ROR1: variants seen among roughly 807,000 people sequenced by gnomAD.
ROR1 encodes inactive tyrosine-protein kinase transmembrane receptor ROR1.
In ROR1, 19 loss-of-function variants were observed where a neutral mutation model predicts 78.8. That is an observed-to-expected ratio of 0.24 (90% CI 0.17 to 0.35). The LOEUF (loss-of-function observed/expected upper bound fraction) is 0.35. Ranked by LOEUF, ROR1 falls within the 10% of genes least tolerant of loss-of-function variation. ROR1 has a pLI of 1.00. For synonymous variants in ROR1, 386 were observed against 433.6 expected, an observed-to-expected ratio of 0.89 and a Z score of 1.36; for missense variants, 917 against 1,177.8, an observed-to-expected ratio of 0.78 and a Z score of 3.24.
At chr1:64,128,849 G>T (rs1648811432) in intron 4 of ROR1, among the ~76,000 whole-genome samples, 1 of 152,168 alleles carries the variant, frequency 6.6e-6, no homozygotes, top group Non-Finnish European at 1.5e-5. Context: ...GCAAGGTGAG[G>T]CAGGAGAAGA....
chr1:63,815,850 G>T (rs549652545), intron 1 of ROR1, among the ~76,000 whole-genome samples: 122 of 152,102 alleles, frequency 8.0e-4, no homozygotes, highest in South Asian at 2.1e-3. Flanking sequence ...GTCCTGGGGT[G>T]GGGGACCTGC....
intron 4 of ROR1, among the ~76,000 whole-genome samples, chr1:64,110,424 G>A (rs1648043733): frequency 6.6e-6 from 1 of 152,062 alleles, no homozygotes; most frequent in African/African-American, 2.4e-5. Context: ...ATATAGAGCT[G>A]GGTTTTGCAT....
At chr1:64,132,226 G>A (rs1447513740) in intron 4 of ROR1, among the ~76,000 whole-genome samples, 1 of 152,074 alleles carries the variant, frequency 6.6e-6, no homozygotes, top group Non-Finnish European at 1.5e-5. Flanking sequence ...ACCTGTTTCA[G>A]TACCTCATTC....
chr1:64,005,590 G>T (rs141179327), intron 1 of ROR1, among the ~76,000 whole-genome samples: 1 of 152,264 alleles, frequency 6.6e-6, no homozygotes, highest in African/African-American at 2.4e-5. Flanking sequence ...AAAACTTGTG[G>T]CCGTGTCTCT....
intron 1 of ROR1, among the ~76,000 whole-genome samples, chr1:63,782,885 A>G (rs368901159): frequency 1.4e-4 from 22 of 152,308 alleles, no homozygotes; most frequent in African/African-American, 4.8e-4. Context: ...AGAGTTGGCA[A>G]TTATATATGC....
intron 1 of ROR1, among the ~76,000 whole-genome samples, chr1:63,846,326 TCCAGCCA>T (rs1203831253): frequency 6.6e-6 from 1 of 152,146 alleles, no homozygotes; most frequent in Non-Finnish European, 1.5e-5. Context: ...CAATTTTCCC[TCCAGCCA>T]CCTGCGCGGT....
intron 1 of ROR1, among the ~76,000 whole-genome samples, chr1:63,880,807 C>T (rs1430572834): frequency 6.6e-6 from 1 of 152,176 alleles, no homozygotes; most frequent in Non-Finnish European, 1.5e-5. Flanking sequence ...TCCATCCACG[C>T]AGTAAATATT....
intron 8 of ROR1, among the ~76,000 whole-genome samples, chr1:64,170,034 T>A (rs1650192809): frequency 6.6e-6 from 1 of 152,162 alleles, no homozygotes; most frequent in Non-Finnish European, 1.5e-5. Flanking sequence ...GTCTGGGACT[T>A]TTCCAGACTC....
intron 1 of ROR1, among the ~76,000 whole-genome samples, chr1:63,932,976 T>C (rs922941394): frequency 6.6e-5 from 10 of 152,188 alleles, no homozygotes; most frequent in African/African-American, 2.4e-4. Flanking sequence ...ATCTCTGTAA[T>C]AATTGCCAAG....
At chr1:63,924,457 A>T (rs544390250) in intron 1 of ROR1, among the ~76,000 whole-genome samples, 71 of 152,060 alleles carry the variant, frequency 4.7e-4, no homozygotes, top group Middle Eastern at 3.4e-3. Flanking sequence ...GAGGTTTGGG[A>T]TCCAGTGGCC....
Position 63,834,369 on chromosome 1 carries a change from A to T in ROR1, c.91+59861A>T, listed in dbSNP as rs143751449. On this transcript the variant is annotated intron_variant, in intron 1 of 8. Transcript: ENST00000371079. ...TTTTATCTTGCCTGTATACGGATGT[A>T]TAAGATTCCAGGTTTCTAGTTGATG... Among the ~76,000 whole-genome samples the T allele has an allele frequency of 2.0e-3, 308 of 152,320 alleles. 1 individual carries two copies. Among genetic ancestry groups the T allele is most frequent in the Admixed American group, 4.4e-3 (67 of 15,302 alleles).
In ROR1 at chr1:64,068,959, A is replaced by G. The variant is rs377577406; in HGVS notation, c.482+18243A>G. ...CTGCAATTTTTCAAAATTTTAATCA[A>G]TTGATTTTATTTTTATATTCTATAA... On this transcript the variant is annotated intron_variant, in intron 4 of 8. Transcript: ENST00000371079. Among the ~76,000 whole-genome samples the G allele has an allele frequency of 7.9e-5, 12 of 152,320 alleles. 1 individual carries two copies. The highest frequency in any genetic ancestry group is 1.4e-4 in the African/African-American group (6 of 41,578).
At chr1:64,065,852 G>A (rs1646951830) in intron 4 of ROR1, among the ~76,000 whole-genome samples, 3 of 152,188 alleles carry the variant, frequency 2.0e-5, no homozygotes, top group Admixed American at 1.3e-4. Flanking sequence ...ACATTTCATA[G>A]TGATTGCCGA....
intron 1 of ROR1, chr1:63,775,372 A>G (rs992727782): frequency 6.6e-6 from 1 of 152,096 alleles, no homozygotes; most frequent in Non-Finnish European, 1.5e-5. Flanking sequence ...GAGAGGGAAG[A>G]GCCCGGCTGA....
rs947124841 is a variant in ROR1 at position 64,122,987 on chromosome 1, C to G, written c.483-14382C>G. ...AGAATACATCCTAGTCACAAGTGCC[C>G]CTAATGTCACTCAGGTTTTTGATAG... On this transcript the variant is annotated intron_variant, in intron 4 of 8. Coordinates refer to ENST00000371079, the MANE Select transcript of ROR1 (RefSeq NM_005012.4). Among the ~76,000 whole-genome samples, 19 of 152,160 alleles carry G rather than the reference C, an allele frequency of 1.2e-4. 1 individual carries two copies. The highest frequency in any genetic ancestry group is 4.6e-4 in the African/African-American group (19 of 41,430).
chr1:64,007,843 A>G (rs1387709130), intron 1 of ROR1, among the ~76,000 whole-genome samples: 1 of 152,110 alleles, frequency 6.6e-6, no homozygotes, highest in Non-Finnish European at 1.5e-5. Context: ...TTAGTCTAAG[A>G]CTGGTCTTTC....
At chr1:64,107,248 G>A (rs1273123290) in intron 4 of ROR1, among the ~76,000 whole-genome samples, 2 of 152,192 alleles carry the variant, frequency 1.3e-5, no homozygotes, top group Non-Finnish European at 2.9e-5. Flanking sequence ...GAGGCACTGA[G>A]AGGTTGTGTA....
chr1:63,889,014 G>A (rs1420541146), intron 1 of ROR1, among the ~76,000 whole-genome samples: 1 of 152,132 alleles, frequency 6.6e-6, no homozygotes, highest in African/African-American at 2.4e-5. Context: ...GCTGTCAGCT[G>A]CATCTGCAGT....
intron 1 of ROR1, among the ~76,000 whole-genome samples, chr1:63,828,925 A>G (rs1389817461): frequency 1.3e-5 from 2 of 152,102 alleles, no homozygotes; most frequent in African/African-American, 4.8e-5. Flanking sequence ...AGATTATACC[A>G]TCTCAGTGAG....
Sources: allele counts gnomAD v4.1 joint callset (sites outside exome capture counted in the v4.1 genomes callset), GRCh38; gene constraint gnomAD v4.1.1; transcripts MANE v1.5; gene names NCBI Gene and HGNC (gene_info 2026-07-23, HGNC 2026-07-21).